SPRED2: variants seen among roughly 807,000 people sequenced by gnomAD.
SPRED2 encodes the protein sprouty-related, EVH1 domain-containing protein 2.
SPRED2 carries 47 observed loss-of-function variants against 43.0 expected under a neutral mutation model. The ratio of observed to expected loss-of-function variants is 1.09; its 90% CI spans 0.87 to 1.40. SPRED2 has a LOEUF of 1.40. SPRED2 is among the 40% of genes most tolerant of loss of function. The probability of loss-of-function intolerance (pLI) is 0.00; values close to 1 mark genes in which losing one functional copy is unlikely to be tolerated. For synonymous variants in SPRED2, 225 were observed against 225.7 expected (o/e 1.00, Z 0.03); for missense variants, 561 against 586.4 (o/e 0.96, Z 0.45).
chr2:65,409,851 T>C (rs1010325800), intron 1 of SPRED2, among the ~76,000 whole-genome samples: 1 of 151,584 alleles, frequency 6.6e-6, no homozygotes, highest in Non-Finnish European at 1.5e-5. Flanking sequence ...CTGGCCAATA[T>C]GGTGAAACCC....
chr2:65,432,033 C>G lies in SPRED2; in HGVS notation c.-46G>C. 6.2e-7 allele frequency: 1 copy of G among 1,613,048 alleles called. No individual in the cohort carries two copies. Among genetic ancestry groups the G allele is most frequent in the Non-Finnish European group, 8.5e-7 (1 of 1,179,600 alleles). ...CTGTCCCGCGGCGGGCAGCTTTGCT[C>G]CCTTCATCTTCCTGTCCGCTCGCCC... On this transcript the variant is annotated 5_prime_UTR_variant, in exon 1 of 6. Transcript: ENST00000356388.
intron 1 of SPRED2, chr2:65,374,001 G>GT (rs1347797960): frequency 1.3e-5 from 2 of 152,198 alleles, no homozygotes; most frequent in Non-Finnish European, 2.9e-5. Flanking sequence ...GCAGACGAAT[G>GT]TAAGAGTCTT....
At chr2:65,332,849 G>C (rs1279988276) in intron 3 of SPRED2, among the ~76,000 whole-genome samples, 1 of 152,108 alleles carries the variant, frequency 6.6e-6, no homozygotes, top group Non-Finnish European at 1.5e-5. Context: ...ATAATGCATG[G>C]ATCAACTTAA....
intron 2 of SPRED2, among the ~76,000 whole-genome samples, chr2:65,338,949 C>T (rs1481199516): frequency 3.9e-5 from 6 of 152,080 alleles, no homozygotes; most frequent in African/African-American, 1.2e-4. Flanking sequence ...TCTGCCCCGC[C>T]GCCCCGTCCG....
downstream of SPRED2, among the ~76,000 whole-genome samples, chr2:65,309,217 A>G (rs368252299): frequency 4.0e-5 from 6 of 150,580 alleles, no homozygotes; most frequent in African/African-American, 1.5e-4. Flanking sequence ...AAAACAAAGA[A>G]AGGGCCAGGC....
At chr2:65,356,421 ATGGT>A (rs1162144408) in intron 1 of SPRED2, among the ~76,000 whole-genome samples, 2 of 151,326 alleles carry the variant, frequency 1.3e-5, no homozygotes, top group Admixed American at 6.6e-5. Context: ...TTGTAGTGTT[ATGGT>A]TGATTTCTAA....
At chr2:65,372,107 G>C (rs1157504677) in intron 1 of SPRED2, among the ~76,000 whole-genome samples, 4 of 152,022 alleles carry the variant, frequency 2.6e-5, no homozygotes, top group Non-Finnish European at 5.9e-5. Flanking sequence ...GCTCTATAAT[G>C]TAAGGATCTT....
At chr2:65,338,472 G>GT (rs1332827611) in intron 2 of SPRED2, among the ~76,000 whole-genome samples, 9 of 151,958 alleles carry the variant, frequency 5.9e-5, no homozygotes, top group East Asian at 1.9e-4. Context: ...TGGTTTTTGT[G>GT]TTTTTTTGGT....
intron 1 of SPRED2, among the ~76,000 whole-genome samples, chr2:65,423,772 CTT>C (rs11306222): frequency 1.6e-3 from 225 of 143,642 alleles, no homozygotes; most frequent in Middle Eastern, 7.2e-3. Flanking sequence ...CTCATTTATG[CTT>C]TTTTTTTTTT....
intron 5 of SPRED2, among the ~76,000 whole-genome samples, chr2:65,315,189 A>G (rs1673198854): frequency 6.8e-6 from 1 of 146,000 alleles, no homozygotes. Context: ...TTTGGGCATG[A>G]AGGTTTTTCA....
At chr2:65,351,589 T>C (rs1674511549) in intron 1 of SPRED2, among the ~76,000 whole-genome samples, 1 of 152,210 alleles carries the variant, frequency 6.6e-6, no homozygotes, top group Non-Finnish European at 1.5e-5. Flanking sequence ...CCAGGCACAC[T>C]CACTTTATTT....
rs942003245 is a variant in SPRED2 at position 65,420,782 on chromosome 2, A to G, written c.26+11180T>C. ...GTGGGGATTCCTGATAAGACCTAAAAGCAATTCATTTCCTAACTACATTGC... is the reference window on the plus strand; with the variant it reads ...GTGGGGATTCCTGATAAGACCTAAAGGCAATTCATTTCCTAACTACATTGC... On this transcript the variant is annotated intron_variant, in intron 1 of 5. Transcript: ENST00000356388. Among the ~76,000 whole-genome samples the G allele has an allele frequency of 2.0e-5, 3 of 152,220 alleles. No individual in the cohort carries two copies. The South Asian group carries it at 6.2e-4, about 31-fold the overall frequency.
chr2:65,415,450 G>C (rs1676251019), intron 1 of SPRED2, among the ~76,000 whole-genome samples: 1 of 76,684 alleles, frequency 1.3e-5, no homozygotes. Flanking sequence ...ACAAAGTTTT[G>C]TTAAAAAAAA....
At chr2:65,328,665 T>G (rs1673718152) in intron 4 of SPRED2, among the ~76,000 whole-genome samples, 1 of 152,140 alleles carries the variant, frequency 6.6e-6, no homozygotes, top group Non-Finnish European at 1.5e-5. Context: ...AATATGTTCA[T>G]CCCAAGAAGG....
At chr2:65,377,920 A>G (rs539269337) in intron 1 of SPRED2, 2 of 316,780 alleles carry the variant, frequency 6.3e-6, no homozygotes, top group Non-Finnish European at 1.3e-5. Flanking sequence ...TGAAGGTTCT[A>G]TTCTAAGTTT....
intron 1 of SPRED2, among the ~76,000 whole-genome samples, chr2:65,382,075 A>C (rs1572883481): frequency 6.6e-6 from 1 of 152,202 alleles, no homozygotes; most frequent in African/African-American, 2.4e-5. Context: ...GTGGCTTCCC[A>C]GTCTTTGCTG....
chr2:65,349,103 T>C (rs1383936775), intron 1 of SPRED2, among the ~76,000 whole-genome samples: 1 of 151,890 alleles, frequency 6.6e-6, no homozygotes, highest in East Asian at 1.9e-4. Context: ...GGTCAAGAAA[T>C]TAAGGCCATT....
chr2:65,349,279 C>A (rs1325601845), intron 1 of SPRED2, among the ~76,000 whole-genome samples: 2 of 128,368 alleles, frequency 1.6e-5, no homozygotes, highest in African/African-American at 6.1e-5. Flanking sequence ...GAGCAGAGAT[C>A]AGCCTGGCGA....
chr2:65,353,580 C>T (rs1300032926), intron 1 of SPRED2, among the ~76,000 whole-genome samples: 1 of 152,132 alleles, frequency 6.6e-6, no homozygotes, highest in Non-Finnish European at 1.5e-5. Flanking sequence ...AGAAATACTC[C>T]TTTAAAAATA....
Sources: gnomAD v4.1 joint callset for allele counts (sites outside exome capture counted in the v4.1 genomes callset) on GRCh38, gnomAD v4.1.1 for gene constraint, MANE v1.5 for transcripts, NCBI Gene and HGNC (gene_info 2026-07-23, HGNC 2026-07-21) for gene names.